The following GFM2 variants were observed in gnomAD, a reference collection of about 807,000 sequenced individuals.
The protein encoded by GFM2 is GTP dependent ribosome recycling factor mitochondrial 2.
In GFM2, 72 loss-of-function variants were observed where a neutral mutation model predicts 95.4. The observed-to-expected ratio is 0.76, with a 90% CI of 0.62 to 0.92. GFM2 has a LOEUF of 0.92. GFM2 is among the 40% of genes least tolerant of loss of function. The probability of loss-of-function intolerance (pLI) is 0.00; values close to 1 mark genes in which losing one functional copy is unlikely to be tolerated. For missense variants in GFM2, 825 were observed against 924.1 expected (o/e 0.89, Z 1.39); for synonymous variants, 276 against 317.5 (o/e 0.87, Z 1.39).
intron 5 of GFM2, among the ~76,000 whole-genome samples, chr5:74,756,914 C>A (rs923671088): frequency 6.6e-6 from 1 of 152,028 alleles, no homozygotes; most frequent in Non-Finnish European, 1.5e-5. Context: ...TTTGGGGACT[C>A]AGGAGAAAGG....
At chr5:74,743,759 C>T (rs1251160117) in intron 10 of GFM2, among the ~76,000 whole-genome samples, 2 of 152,126 alleles carry the variant, frequency 1.3e-5, no homozygotes, top group Non-Finnish European at 2.9e-5. Context: ...AGCAGTATAA[C>T]AAAGCGGGTA....
intron 17 of GFM2, among the ~76,000 whole-genome samples, chr5:74,727,977 A>ACCCCACTTCATCAACATCTCTCCTTT (rs1750224349): frequency 6.6e-6 from 1 of 151,734 alleles, no homozygotes; most frequent in African/African-American, 2.4e-5. Context: ...GAAACTCCGT[A>ACCCCACTTCATCAACATCTCTCCTTT]CCCCACTTCA....
chr5:74,754,902 G>C lies in GFM2; in HGVS notation c.305-3409C>G, dbSNP rs1580012207. ...AGGCTGAGGCAGGCGGATTACCTGA[G>C]GTCAGGAGTTCAAGACCAGCCTGGC... On this transcript the variant is annotated intron_variant, in intron 5 of 20. Transcript: ENST00000296805. Among the ~76,000 whole-genome samples the C allele has an allele frequency of 2.0e-5, 3 of 152,056 alleles. No homozygotes were observed. In the East Asian group the frequency reaches 5.8e-4, roughly 29 times the overall value.
At chr5:74,735,640 GCTA>G (rs1299862368) in intron 15 of GFM2, among the ~76,000 whole-genome samples, 1 of 152,176 alleles carries the variant, frequency 6.6e-6, no homozygotes, top group African/African-American at 2.4e-5. Flanking sequence ...AAGTTCATGG[GCTA>G]CTATTATAAT....
chr5:74,722,582 T>C, intron 19 of GFM2, 21 bp from the exon 20 acceptor site: 2 of 1,578,868 alleles, frequency 1.3e-6, no homozygotes, highest in Non-Finnish European at 1.7e-6. Flanking sequence ...TAAAGAATGT[T>C]AACTTATCTT....
At chr5:74,739,838 G>T in intron 12 of GFM2, 151 bp downstream of exon 12, 1 of 543,104 alleles carries the variant, frequency 1.8e-6, no homozygotes, top group Non-Finnish European at 3.1e-6. Context: ...TTCCTTTCAA[G>T]CAAAAATTAC....
chr5:74,757,784 A>G (rs1415442522), intron 5 of GFM2, among the ~76,000 whole-genome samples: 1 of 151,684 alleles, frequency 6.6e-6, no homozygotes, highest in Non-Finnish European at 1.5e-5. Context: ...GAATCTTGAC[A>G]CATGCTACAA....
intron 10 of GFM2, among the ~76,000 whole-genome samples, chr5:74,745,088 T>C (rs549505067): frequency 2.0e-4 from 30 of 152,176 alleles, no homozygotes; most frequent in Non-Finnish European, 3.7e-4. Context: ...CTGGTAATCC[T>C]AGCACTTTGG....
intron 3 of GFM2, among the ~76,000 whole-genome samples, chr5:74,760,270 C>T (rs1489487028): frequency 2.0e-5 from 3 of 152,120 alleles, no homozygotes; most frequent in African/African-American, 7.2e-5. Flanking sequence ...ACACCAATAA[C>T]GTAGCCCATT....
At chr5:74,757,279 CATCATAAG>C (rs1744034543) in intron 5 of GFM2, among the ~76,000 whole-genome samples, 1 of 151,946 alleles carries the variant, frequency 6.6e-6, no homozygotes. Context: ...AGTTTCTTGG[CATCATAAG>C]ATTGTGTACA....
At chr5:74,738,157 A>C (rs1297435416) in intron 14 of GFM2, among the ~76,000 whole-genome samples, 161 bp downstream of exon 14, 5 of 152,112 alleles carry the variant, frequency 3.3e-5, no homozygotes, top group Admixed American at 3.3e-4. Context: ...CTTCCTAGTA[A>C]ATGTATGAGA....
chr5:74,754,123 A>C (rs755542052), intron 5 of GFM2, among the ~76,000 whole-genome samples: 2 of 152,166 alleles, frequency 1.3e-5, no homozygotes, highest in Admixed American at 6.5e-5. Context: ...AAGCTTCATA[A>C]ATGAAGGAAA....
At chr5:74,727,812 A>G (rs1750215873) in intron 17 of GFM2, among the ~76,000 whole-genome samples, 1 of 152,208 alleles carries the variant, frequency 6.6e-6, no homozygotes, top group African/African-American at 2.4e-5. Flanking sequence ...ATGTTTCAAT[A>G]CATGTATACA....
rs752948562 is a variant in GFM2 at position 74,725,651 on chromosome 5, A to G, written c.2017T>C (p.Cys673Arg). The G allele has an allele frequency of 2.5e-6, 4 of 1,610,830 alleles. No homozygotes were observed. Among genetic ancestry groups the G allele is most frequent in the Admixed American group, 1.7e-5 (1 of 59,952 alleles). ...GGATAGTTCTATACCTTTTGCACGC[A>G]TCTTGAGACACAGGCAGAAATCATA... is the stretch of plus-strand genomic sequence containing the variant. ...TTMISACVSRCVQKALKKADK... is the reference protein window; with the variant it reads ...TTMISACVSRRVQKALKKADK... Residue 673 changes from cysteine to arginine, a missense_variant, in exon 19 of 21, where the codon TGC (cysteine) becomes CGC (arginine). Physicochemically the swap from Cys to Arg is radical, Grantham distance 180. Transcript: ENST00000296805.
rs180801317 is a variant in GFM2 at position 74,736,893 on chromosome 5, T to C, written c.1413A>G (p.Gln471=). The part of the protein sequence containing the change: ...AEREGEKKHR[Q]NNEAERLLLA... ...ATAAAAGTCTCTCTGCTTCATTGTT[T>C]TGTCTGTGCTTCTTTTCTCCCTCCC... The change falls in exon 15 of 21, where the codon CAA becomes CAG. Residue 471 remains glutamine (Q), a synonymous_variant. Transcript: ENST00000296805. 2.4e-5 allele frequency: 38 copies of C among 1,613,940 alleles called. No individual in the cohort carries two copies. The Admixed American group carries it at 6.3e-4, about 27-fold the overall frequency.
intron 2 of GFM2, 52 bp downstream of exon 2, chr5:74,763,628 G>A (rs1258546173): frequency 1.9e-6 from 2 of 1,031,746 alleles, no homozygotes; most frequent in Non-Finnish European, 1.5e-6. Flanking sequence ...ATTTTAGGCA[G>A]TAAAGGAGCT....
intron 10 of GFM2, among the ~76,000 whole-genome samples, chr5:74,743,330 T>C (rs1743206280): frequency 6.6e-6 from 1 of 152,210 alleles, no homozygotes; most frequent in South Asian, 2.1e-4. Context: ...GGAATCGCCA[T>C]ATTGTTTTCC....
At chr5:74,763,209 A>C (rs934532668) in intron 2 of GFM2, among the ~76,000 whole-genome samples, 2 of 152,258 alleles carry the variant, frequency 1.3e-5, no homozygotes, top group African/African-American at 4.8e-5. Flanking sequence ...ACTGCCGAAG[A>C]AGCTGGCTTC....
chr5:74,731,715 TTG>T (rs1167884824), intron 16 of GFM2, among the ~76,000 whole-genome samples: 20 of 152,336 alleles, frequency 1.3e-4, no homozygotes, highest in African/African-American at 4.8e-4. Context: ...ATAAAATGAC[TTG>T]TTTATAGGTA....
Sources: gnomAD v4.1 joint callset for allele counts (sites outside exome capture counted in the v4.1 genomes callset) on GRCh38, gnomAD v4.1.1 for gene constraint, MANE v1.5 for transcripts, NCBI Gene and HGNC (gene_info 2026-07-23, HGNC 2026-07-21) for gene names.